The following KHDRBS2 variants were observed in gnomAD, a reference collection of about 807,000 sequenced individuals.
KHDRBS2 encodes KH RNA binding domain containing, signal transduction associated 2, also known as KH domain-containing, RNA-binding, signal transduction-associated protein 2.
A neutral mutation model predicts 44.3 loss-of-function variants in KHDRBS2; 26 were observed. The observed-to-expected ratio is 0.59, with a 90% CI of 0.43 to 0.81. The LOEUF is 0.81. KHDRBS2 is among the 40% of genes least tolerant of loss of function. KHDRBS2 has a pLI of 0.00. For missense variants in KHDRBS2, 476 were observed against 433.1 expected (o/e 1.10, Z -0.88); for synonymous variants, 194 against 151.1 (o/e 1.28, Z -2.08).
chr6:62,107,813 T>A (rs1803849100), intron 2 of KHDRBS2, among the ~76,000 whole-genome samples: 1 of 152,164 alleles, frequency 6.6e-6, no homozygotes, highest in South Asian at 2.1e-4. Context: ...ATCTGGTCTT[T>A]GACAAACCTG....
At chr6:61,550,428 C>T in the KHDRBS2 span, among the ~76,000 whole-genome samples, 1 of 152,096 alleles carries the variant, frequency 6.6e-6, no homozygotes, top group African/African-American at 2.4e-5. Context: ...TTTGCTTTAT[C>T]CAGTCTACAA....
rs1220451793 is a variant in KHDRBS2 at position 62,035,373 on chromosome 6, G to A, written c.336+12505C>T. 4.6e-5 allele frequency among the ~76,000 whole-genome samples: 7 copies of A among 151,956 alleles called. No individual in the cohort carries two copies. The East Asian group carries it at 5.8e-4, about 13-fold the overall frequency. On this transcript the variant is annotated intron_variant, in intron 3 of 8. Coordinates refer to ENST00000281156, the MANE Select transcript of KHDRBS2 (RefSeq NM_152688.4). ...GGATGGAAATTGAGGTGATTATGCC[G>A]AGTGAAATAAGCCAGTATAGAAAGA...
At chr6:61,884,009 C>A (rs1218443794) in intron 6 of KHDRBS2, among the ~76,000 whole-genome samples, 1 of 152,072 alleles carries the variant, frequency 6.6e-6, no homozygotes, top group Non-Finnish European at 1.5e-5. Flanking sequence ...GGCTCATAAT[C>A]TTTCCTTGCA....
intron 4 of KHDRBS2, among the ~76,000 whole-genome samples, chr6:61,944,760 T>C (rs113181872): frequency 0.013 from 1,958 of 152,126 alleles, 48 homozygotes; most frequent in African/African-American, 0.044. Context: ...AATACTCACA[T>C]GGACCCTATA....
chr6:62,175,877 C>T (rs1820988127), intron 2 of KHDRBS2, among the ~76,000 whole-genome samples: 1 of 151,384 alleles, frequency 6.6e-6, no homozygotes, highest in African/African-American at 2.4e-5. Context: ...CATACCTTGC[C>T]AGCTTAATTT....
the KHDRBS2 span, among the ~76,000 whole-genome samples, chr6:61,670,694 C>T: frequency 1.3e-5 from 2 of 150,082 alleles, no homozygotes; most frequent in African/African-American, 4.9e-5. Flanking sequence ...GAAAAAATTA[C>T]AGAAGTTGGA....
chr6:62,200,576 C>T (rs1826744719), intron 1 of KHDRBS2, among the ~76,000 whole-genome samples: 1 of 152,136 alleles, frequency 6.6e-6, no homozygotes, highest in Admixed American at 6.6e-5. Flanking sequence ...ATTAAAAAGT[C>T]AGGAAACAAT....
intron 6 of KHDRBS2, among the ~76,000 whole-genome samples, chr6:61,803,231 C>T (rs559451285): frequency 1.3e-5 from 2 of 152,192 alleles, no homozygotes; most frequent in South Asian, 2.1e-4. Flanking sequence ...CTCAAAGACA[C>T]AATTACTTTG....
chr6:62,111,245 TC>T (rs755491886), intron 2 of KHDRBS2, among the ~76,000 whole-genome samples: 13 of 152,126 alleles, frequency 8.5e-5, no homozygotes, highest in African/African-American at 1.2e-4. Flanking sequence ...TATTAACACT[TC>T]CCTTAGACAC....
At chr6:62,018,089 C>T (rs1781541692) in intron 3 of KHDRBS2, among the ~76,000 whole-genome samples, 1 of 150,708 alleles carries the variant, frequency 6.6e-6, no homozygotes, top group South Asian at 2.1e-4. Flanking sequence ...AATAAAAGAA[C>T]AATAATAGCT....
intron 2 of KHDRBS2, among the ~76,000 whole-genome samples, chr6:62,066,464 G>T (rs144470833): frequency 6.2e-4 from 94 of 151,764 alleles, no homozygotes; most frequent in African/African-American, 2.2e-3. Flanking sequence ...TTCTTTAAAT[G>T]AGCCATAATG....
chr6:62,093,224 T>TA (rs201255751), intron 2 of KHDRBS2, among the ~76,000 whole-genome samples: 3,570 of 134,422 alleles, frequency 0.027, 130 homozygotes, highest in African/African-American at 0.084. Context: ...TTAGATAAAG[T>TA]AAAAAAAAAA....
At chr6:62,115,123 AATGTAAATTCTCATT>A in intron 2 of KHDRBS2, among the ~76,000 whole-genome samples, 1 of 152,160 alleles carries the variant, frequency 6.6e-6, no homozygotes, top group Non-Finnish European at 1.5e-5. Context: ...TACACAAAGA[AATGTAAATTCTCATT>A]TCAAAATTAA....
chr6:61,965,310 CA>C (rs1220337632), intron 4 of KHDRBS2, among the ~76,000 whole-genome samples: 2 of 152,022 alleles, frequency 1.3e-5, no homozygotes, highest in Non-Finnish European at 2.9e-5. Context: ...CAAGAGGACC[CA>C]GTCTAGACTG....
intron 6 of KHDRBS2, among the ~76,000 whole-genome samples, chr6:61,756,260 A>G (rs774527592): frequency 6.6e-5 from 10 of 150,684 alleles, no homozygotes; most frequent in Non-Finnish European, 1.0e-4. Flanking sequence ...TATTTAATTA[A>G]TTTATTTTTT....
intron 1 of KHDRBS2, among the ~76,000 whole-genome samples, chr6:62,238,570 A>G (rs1236111625): frequency 1.3e-5 from 2 of 152,136 alleles, no homozygotes; most frequent in Non-Finnish European, 2.9e-5. Context: ...AAGTTTCTTA[A>G]TGTGAAAACA....
intron 3 of KHDRBS2, among the ~76,000 whole-genome samples, chr6:61,991,073 A>G (rs529443802): frequency 2.0e-5 from 3 of 152,300 alleles, no homozygotes; most frequent in Admixed American, 2.0e-4. Context: ...GGATGATTAT[A>G]GTATAATAAG....
At chr6:61,597,035 C>T in the KHDRBS2 span, among the ~76,000 whole-genome samples, 667 of 152,254 alleles carry the variant, frequency 4.4e-3, 4 homozygotes, top group Non-Finnish European at 5.9e-3. Context: ...ATCTAAATAT[C>T]ATTTTTTTGC....
intron 1 of KHDRBS2, among the ~76,000 whole-genome samples, chr6:62,201,478 T>C (rs1167593861): frequency 6.6e-6 from 1 of 152,108 alleles, no homozygotes; most frequent in Non-Finnish European, 1.5e-5. Context: ...GAAATTTACC[T>C]AGCATATAAA....
Sources: allele counts gnomAD v4.1 joint callset (sites outside exome capture counted in the v4.1 genomes callset), GRCh38; gene constraint gnomAD v4.1.1; transcripts MANE v1.5; gene names NCBI Gene and HGNC (gene_info 2026-07-23, HGNC 2026-07-21).